The following COIL variants were observed in gnomAD, a reference collection of about 807,000 sequenced individuals.
The protein encoded by COIL is coilin.
A neutral mutation model predicts 51.6 loss-of-function variants in COIL; 28 were observed. The ratio of observed to expected loss-of-function variants is 0.54; its 90% confidence interval spans 0.40 to 0.74. The LOEUF (loss-of-function observed/expected upper bound fraction) is 0.74, where lower values mean the gene tolerates loss of function less well. Ranked by LOEUF, COIL falls within the 30% of genes least tolerant of loss-of-function variation. COIL has a pLI of 0.00. For missense variants in COIL, 667 were observed against 685.9 expected (o/e 0.97, Z 0.31); for synonymous variants, 233 against 255.8 (o/e 0.91, Z 0.85).
Position 56,949,498 on chromosome 17 carries a change from C to A in COIL, c.1441-64G>T, listed in dbSNP as rs182577547. 274 of 1,535,046 alleles carry A rather than the reference C, an allele frequency of 1.8e-4. 1 individual carries two copies. The highest frequency in any genetic ancestry group is 3.1e-4 in the Admixed American group (18 of 57,196). On this transcript the variant is annotated intron_variant, in intron 3 of 6. Coordinates refer to ENST00000240316, the MANE Select transcript of COIL (RefSeq NM_004645.3). ...CTTATCCTCTCCCATTCCCACAGCT[C>A]CTCCATCATGCCATGTTGGCGTGTC...
At chr17:56,959,473 G>A (rs1910542508) in intron 1 of COIL, among the ~76,000 whole-genome samples, 1 of 152,110 alleles carries the variant, frequency 6.6e-6, no homozygotes, top group Admixed American at 6.5e-5. Context: ...AATTGCTCCT[G>A]GATACTCATC....
chr17:56,941,934 T>A (rs955851629), intron 6 of COIL, 101 bp downstream of exon 6: 1 of 948,000 alleles, frequency 1.1e-6, no homozygotes, highest in African/African-American at 1.6e-5. Flanking sequence ...GAAGGTCAGA[T>A]TCCCCCCAGG....
At position 56,950,320 on chromosome 17, in the gene COIL, TG is replaced by T; in HGVS notation, c.921del (p.Lys308ArgfsTer21). On this transcript the variant is annotated frameshift_variant, in exon 2 of 7. Transcript: ENST00000240316. LOFTEE classifies it high-confidence loss of function. ...KLGFSLTPSKGKTSGTTSSSS... is the reference protein window; with the variant it reads ...KLGFSLTPSKXKTSGTTSSSS... ...CTGGAAGATGTTGTTCCAGAGGTCT[TG>T]CCCTTGCTGGGGGTAAGGCTAAAGC... 1 of 1,614,244 alleles carries T rather than the reference TG, an allele frequency of 6.2e-7. No homozygotes were observed. Among genetic ancestry groups the T allele is most frequent in the Non-Finnish European group, 8.5e-7 (1 of 1,180,038 alleles).
At chr17:56,953,432 T>A (rs58650956) in intron 1 of COIL, among the ~76,000 whole-genome samples, 45,614 of 118,986 alleles carry the variant, frequency 0.38, 9,394 homozygotes, top group East Asian at 0.66. Flanking sequence ...AAAAAAAAAA[T>A]ACAAACATTA....
At chr17:56,941,998 G>A (rs915287521) in intron 6 of COIL, 37 bp downstream of exon 6, 14 of 1,525,034 alleles carry the variant, frequency 9.2e-6, no homozygotes, top group Admixed American at 8.4e-5. Flanking sequence ...AAGAGAGAAC[G>A]AATGGCCAAG....
Position 56,950,685 on chromosome 17 carries a change from T to C in COIL, c.557A>G (p.Lys186Arg). 1 of 1,609,938 alleles carries C rather than the reference T, an allele frequency of 6.2e-7. No individual in the cohort carries two copies. The highest frequency in any genetic ancestry group is 8.5e-7 in the Non-Finnish European group (1 of 1,179,098). ...DNEEAKRKSP[K>R]KKEKCEYKKK... ...TTTATATTCACATTTCTCCTTTTTC[T>C]TTGGTGATTTTCTTTTGGCCTCTTC... Residue 186 changes from lysine to arginine, a missense_variant, in exon 2 of 7, where the codon AAG becomes AGG. Coordinates refer to ENST00000240316, the MANE Select transcript of COIL (RefSeq NM_004645.3).
intron 4 of COIL, among the ~76,000 whole-genome samples, chr17:56,947,911 C>T (rs894920486): frequency 2.0e-5 from 3 of 151,960 alleles, no homozygotes; most frequent in Admixed American, 2.0e-4. Flanking sequence ...GACAAAACAC[C>T]CTGGTTTGTT....
rs146732509 is a variant in COIL, at chr17:56,957,532, G to C, written c.245+3243C>G. ...AGCTACTCGGGAGGCTGAGGCAGGA[G>C]AATCGCTTGAACCTGGGAGGCAGAT... On this transcript the variant is annotated intron_variant, in intron 1 of 6. Transcript: ENST00000240316. 3.7e-3 allele frequency among the ~76,000 whole-genome samples: 553 copies of C among 150,624 alleles called. 4 individuals carry two copies. Among genetic ancestry groups the C allele is most frequent in the African/African-American group, 0.013 (522 of 41,062 alleles).
At chr17:56,956,673 C>G (rs1442937293) in intron 1 of COIL, among the ~76,000 whole-genome samples, 1 of 152,012 alleles carries the variant, frequency 6.6e-6, no homozygotes, top group South Asian at 2.1e-4. Context: ...CTCACCGAAG[C>G]CTTTACTTCC....
In COIL at chr17:56,950,917, C is replaced by A. The variant is rs759792506; in HGVS notation, c.325G>T (p.Ala109Ser). The A allele has an allele frequency of 4.3e-6, 7 of 1,613,550 alleles. No homozygotes were observed. The East Asian group carries it at 6.7e-5, about 15-fold the overall frequency. Residue 109 changes from alanine to serine, a missense_variant, in exon 2 of 7, where the codon GCA (alanine) becomes TCA (serine). Transcript: ENST00000240316. ...TCTAACTGAAATGCCCGCTTCTTTGCTTTTCTAAGAGATAAATTAATGTCA... is the reference window on the plus strand; with the variant it reads ...TCTAACTGAAATGCCCGCTTCTTTGATTTTCTAAGAGATAAATTAATGTCA... ...NGDINLSLRKAKKRAFQLEEG... is the reference protein window; with the variant it reads ...NGDINLSLRKSKKRAFQLEEG...
At chr17:56,942,857 A>G (rs1910174510) in intron 5 of COIL, among the ~76,000 whole-genome samples, 1 of 152,194 alleles carries the variant, frequency 6.6e-6, no homozygotes, top group East Asian at 1.9e-4. Flanking sequence ...TGGAAAAATG[A>G]CTGTGCAAGC....
Position 56,938,771 on chromosome 17 carries a change from A to C in COIL, c.*300T>G. On this transcript the variant is annotated 3_prime_UTR_variant, in exon 7 of 7. Transcript: ENST00000240316. The stretch of plus-strand genomic sequence containing the variant: ...AACTCCTACTGACGACTGCTACTTG[A>C]TGGCCAAAAACATTTAAAGAAAGAG... 1 of 206,570 alleles carries C rather than the reference A, an allele frequency of 4.8e-6. No individual in the cohort carries two copies. Among genetic ancestry groups the C allele is most frequent in the East Asian group, 1.1e-4 (1 of 9,160 alleles). 12.8% of individuals were successfully genotyped at this position (206,570 alleles called of 1,614,324 possible). A position where few individuals can be genotyped will look rare whatever the true frequency, so the allele number is the denominator to read the frequency against.
At chr17:56,949,526 C>T in intron 3 of COIL, 92 bp from the exon 4 acceptor site, 2 of 1,453,624 alleles carry the variant, frequency 1.4e-6, no homozygotes, top group Non-Finnish European at 1.9e-6. Context: ...GGCGTGTCCA[C>T]CCCGACCAGT....
intron 1 of COIL, among the ~76,000 whole-genome samples, chr17:56,960,040 G>A (rs1910556405): frequency 6.6e-6 from 1 of 151,938 alleles, no homozygotes; most frequent in Non-Finnish European, 1.5e-5. Flanking sequence ...GTGAAACCCC[G>A]TCTCTACTAA....
intron 4 of COIL, among the ~76,000 whole-genome samples, chr17:56,947,125 C>T (rs1475181006): frequency 1.3e-5 from 2 of 152,176 alleles, no homozygotes; most frequent in African/African-American, 2.4e-5. Flanking sequence ...TGGTAGCCTC[C>T]GGGGGTATAT....
intron 1 of COIL, among the ~76,000 whole-genome samples, chr17:56,957,685 C>T (rs369812727): frequency 1.1e-4 from 17 of 152,036 alleles, no homozygotes; most frequent in Admixed American, 2.0e-4. Flanking sequence ...CTGCCAACAC[C>T]CTGATCTTGG....
intron 5 of COIL, 115 bp downstream of exon 5, chr17:56,946,326 TG>T: frequency 1.6e-6 from 1 of 644,340 alleles, no homozygotes. Context: ...CTGAAAGAAG[TG>T]GGGAGCGCCA....
At chr17:56,949,654 T>C (rs1342859904) in intron 3 of COIL, 27 bp downstream of exon 3, 1 of 1,592,386 alleles carries the variant, frequency 6.3e-7, no homozygotes, top group Non-Finnish European at 8.6e-7. Context: ...GAACCTTTTT[T>C]GCTGTGACTG....
intron 5 of COIL, among the ~76,000 whole-genome samples, chr17:56,944,488 A>G (rs1424249433): frequency 6.6e-6 from 1 of 151,878 alleles, no homozygotes; most frequent in African/African-American, 2.4e-5. Context: ...GCTGCTCGGG[A>G]GGCTGAGGCA....
Sources: gnomAD v4.1 joint callset for allele counts (sites outside exome capture counted in the v4.1 genomes callset) on GRCh38, gnomAD v4.1.1 for gene constraint, MANE v1.5 for transcripts, NCBI Gene and HGNC (gene_info 2026-07-23, HGNC 2026-07-21) for gene names.